The following RSPH3 variants were observed in gnomAD, a reference collection of about 807,000 sequenced individuals.
RSPH3 encodes radial spoke head protein 3 homolog.
Under a neutral mutation model 43.8 loss-of-function variants are expected in RSPH3, and 21 were observed. That is an observed-to-expected ratio of 0.48 (90% confidence interval 0.34 to 0.69). The LOEUF is 0.69. Among genes scored for constraint, RSPH3 ranks in the 30% least tolerant of loss-of-function variants. The pLI is 0.01. For synonymous variants in RSPH3, 173 were observed against 179.8 expected (o/e 0.96, Z 0.30); for missense variants, 487 against 516.0 (o/e 0.94, Z 0.54).
At chr6:158,998,523 T>G (rs1778702553) in intron 1 of RSPH3, among the ~76,000 whole-genome samples, 1 of 149,188 alleles carries the variant, frequency 6.7e-6, no homozygotes, top group South Asian at 2.1e-4. Flanking sequence ...TTCTTTCCTA[T>G]GTATGTTTGA....
downstream of RSPH3, among the ~76,000 whole-genome samples, chr6:158,970,546 CT>C (rs945151736): frequency 5.4e-4 from 65 of 119,978 alleles, no homozygotes; most frequent in African/African-American, 1.8e-3. Flanking sequence ...CAAAGCTTTT[CT>C]TTTTTTTTCA....
In RSPH3 at chr6:158,986,384, C is replaced by A. The variant is rs41267751; in HGVS notation, c.242G>T (p.Arg81Leu). 1 of 1,613,984 alleles carries A rather than the reference C, an allele frequency of 6.2e-7. No homozygotes were observed. Residue 81 changes from arginine to leucine, a missense_variant, in exon 3 of 8, where the codon CGG becomes CTG. Physicochemically the swap from Arg to Leu is moderately radical, Grantham distance 102 (BLOSUM62 -2). Transcript: ENST00000367069. ...RPDSLELQRQ[R>L]EARKRALARK... ...GGCAAGAGCCCTCTTCCTAGCCTCCCGTTGTCTCTGGAGCTCTAGAGAATC... is the reference window on the plus strand; with the variant it reads ...GGCAAGAGCCCTCTTCCTAGCCTCCAGTTGTCTCTGGAGCTCTAGAGAATC...
Position 158,999,599 on chromosome 6 carries a change from G to T in RSPH3, c.-49C>A. 1 of 1,611,006 alleles carries T rather than the reference G, an allele frequency of 6.2e-7. No individual in the cohort carries two copies. The highest frequency in any genetic ancestry group is 8.5e-7 in the Non-Finnish European group (1 of 1,177,644). On this transcript the variant is annotated 5_prime_UTR_variant, in exon 1 of 8. It adds an upstream start codon to the 5' untranslated region. Coordinates refer to ENST00000367069, the MANE Select transcript of RSPH3 (RefSeq NM_031924.8). ...TTCGGTGGAGCTTGGCTTTGAAGCA[G>T]GTGGGCGCTAAGGTGTTGTGGGACC...
chr6:158,984,781 T>TA, intron 3 of RSPH3, among the ~76,000 whole-genome samples: 1 of 151,874 alleles, frequency 6.6e-6, no homozygotes, highest in Non-Finnish European at 1.5e-5. Context: ...ATCTTTGTAA[T>TA]AATGAAGGAA....
intron 2 of RSPH3, chr6:158,988,297 C>G (rs1171528198): frequency 2.0e-5 from 3 of 152,188 alleles, no homozygotes; most frequent in African/African-American, 7.2e-5. Context: ...TGCTTCTTTT[C>G]TCTTGCTGCT....
chr6:158,978,678 C>T (rs1267579024), intron 6 of RSPH3, among the ~76,000 whole-genome samples: 4 of 152,014 alleles, frequency 2.6e-5, no homozygotes, highest in East Asian at 1.9e-4. Flanking sequence ...GTAGCTGGGA[C>T]GACAGGCACA....
At chr6:158,982,446 C>G in intron 5 of RSPH3, 39 bp downstream of exon 5, 1 of 1,385,570 alleles carries the variant, frequency 7.2e-7, no homozygotes. Flanking sequence ...GCTAACTAGC[C>G]AAAAGACTGC....
In RSPH3 at chr6:158,978,260, TG is replaced by T; in HGVS notation, c.945del (p.Asp315GlufsTer3). Reference sequence around the variant, plus strand: ...TGAATTTTTGGATAAAATAACTTACTGTCAAGCACTGTTCTTCCCACCATGC... The same window carrying T: ...TGAATTTTTGGATAAAATAACTTACTTCAAGCACTGTTCTTCCCACCATGC... ...EYSMVGRTVL[D>X]MLIREVVEKR... On this transcript the variant is annotated frameshift_variant and splice_region_variant, in exon 7 of 8. Transcript: ENST00000367069. LOFTEE classifies it low-confidence loss of function (END_TRUNC). The T allele has an allele frequency of 6.7e-7, 1 of 1,501,048 alleles. No homozygotes were observed. 93.0% of individuals were successfully genotyped at this position (1,501,048 alleles called of 1,614,324 possible). A position where few individuals can be genotyped will look rare whatever the true frequency, so the allele number is the denominator to read the frequency against.
intron 2 of RSPH3, among the ~76,000 whole-genome samples, 164 bp from the exon 3 acceptor site, chr6:158,986,585 T>C (rs182658776): frequency 1.3e-5 from 2 of 152,370 alleles, no homozygotes; most frequent in Non-Finnish European, 2.9e-5. Context: ...TGTCAGATAA[T>C]TACAAAGATG....
chr6:158,978,384 A>T, intron 6 of RSPH3, 38 bp from the exon 7 acceptor site: 1 of 1,033,036 alleles, frequency 9.7e-7, no homozygotes, highest in South Asian at 1.3e-5. Flanking sequence ...ATGTATTATC[A>T]GAGGAATAAT....
At chr6:158,982,054 A>T (rs982600879) in intron 5 of RSPH3, among the ~76,000 whole-genome samples, 5 of 152,110 alleles carry the variant, frequency 3.3e-5, no homozygotes, top group Non-Finnish European at 7.4e-5. Context: ...CGAGAAAAAG[A>T]ATCAGAATTC....
chr6:158,985,635 C>T (rs1278649190), intron 3 of RSPH3, among the ~76,000 whole-genome samples: 3 of 151,828 alleles, frequency 2.0e-5, no homozygotes, highest in Admixed American at 6.6e-5. Flanking sequence ...TCTTTGGTCT[C>T]GAACTCCTGG....
At chr6:158,998,481 AG>A (rs1778697136) in intron 1 of RSPH3, among the ~76,000 whole-genome samples, 4 of 118,168 alleles carry the variant, frequency 3.4e-5, no homozygotes, top group Admixed American at 1.3e-4. Context: ...AAAAAAAAAA[AG>A]AAAAAAAAAA....
Position 159,000,199 on chromosome 6 carries a change from G to C in RSPH3, c.-649C>G, listed in dbSNP as rs970401907. 1 of 527,034 alleles carries C rather than the reference G, an allele frequency of 1.9e-6. No homozygotes were observed. Among genetic ancestry groups the C allele is most frequent in the Non-Finnish European group, 3.3e-6 (1 of 304,696 alleles). 32.6% of individuals were successfully genotyped at this position (527,034 alleles called of 1,614,324 possible). Reference sequence around the variant, plus strand: ...CAGCTCTGTTACGTGCCCGGGCGGGGAAGAGCTTCCTGGTGTCTCCCGGCT... The same window carrying C: ...CAGCTCTGTTACGTGCCCGGGCGGGCAAGAGCTTCCTGGTGTCTCCCGGCT... On this transcript the variant is annotated 5_prime_UTR_variant, in exon 1 of 8. Transcript: ENST00000367069.
chr6:158,980,962 T>C, intron 5 of RSPH3, 26 bp from the exon 6 acceptor site: 1 of 1,611,774 alleles, frequency 6.2e-7, no homozygotes, highest in Non-Finnish European at 8.5e-7. Flanking sequence ...GAGGTGGTTA[T>C]TTAGCTCTTA....
At chr6:158,998,574 G>T (rs1319274753) in intron 1 of RSPH3, among the ~76,000 whole-genome samples, 1 of 147,950 alleles carries the variant, frequency 6.8e-6, no homozygotes, top group Non-Finnish European at 1.5e-5. Flanking sequence ...ACAAACTGCC[G>T]TCCGGGCGCG....
At chr6:158,994,631 AC>A (rs1484342348) in intron 1 of RSPH3, among the ~76,000 whole-genome samples, 2 of 152,150 alleles carry the variant, frequency 1.3e-5, no homozygotes, top group Non-Finnish European at 2.9e-5. Context: ...AGCCTAGGAG[AC>A]AGAGAAAGAC....
At position 158,976,976 on chromosome 6, in the gene RSPH3, G is replaced by C. The variant is rs1441244621; in HGVS notation, c.*562C>G. On this transcript the variant is annotated 3_prime_UTR_variant, in exon 8 of 8. Coordinates refer to ENST00000367069, the MANE Select transcript of RSPH3 (RefSeq NM_031924.8). ...ATTACAGGCATGCGCCACCATGCCT[G>C]GCTAATTTTGTATTTTTAGCAGAGA... 6.6e-6 allele frequency: 1 copy of C among 152,462 alleles called. No individual in the cohort carries two copies. The highest frequency in any genetic ancestry group is 2.1e-4 in the South Asian group (1 of 4,824). The allele number at this position is 152,462 out of a possible 1,614,324, so 9.4% of individuals were successfully genotyped here.
In RSPH3 at chr6:159,000,187, T is replaced by A; in HGVS notation, c.-637A>T. Reference sequence around the variant, plus strand: ...CAGCCAGGCTCCCAGCTCTGTTACGTGCCCGGGCGGGGAAGAGCTTCCTGG... The same window carrying A: ...CAGCCAGGCTCCCAGCTCTGTTACGAGCCCGGGCGGGGAAGAGCTTCCTGG... On this transcript the variant is annotated 5_prime_UTR_variant, in exon 1 of 8. Coordinates refer to ENST00000367069, the MANE Select transcript of RSPH3 (RefSeq NM_031924.8). 1.8e-6 allele frequency: 1 copy of A among 540,808 alleles called. No individual in the cohort carries two copies. Among genetic ancestry groups the A allele is most frequent in the Non-Finnish European group, 3.2e-6 (1 of 315,082 alleles). 33.5% of individuals were successfully genotyped at this position (540,808 alleles called of 1,614,324 possible).
Sources: gnomAD v4.1 joint callset for allele counts (sites outside exome capture counted in the v4.1 genomes callset) on GRCh38, gnomAD v4.1.1 for gene constraint, MANE v1.5 for transcripts, NCBI Gene and HGNC (gene_info 2026-07-23, HGNC 2026-07-21) for gene names.